Variants in DNAI1 observed in about 807,000 individuals in gnomAD.
DNAI1 encodes dynein axonemal intermediate chain 1, also known as dynein, axonemal, intermediate polypeptide 1.
A neutral mutation model predicts 92.0 loss-of-function variants in DNAI1; 67 were observed. That is an observed-to-expected ratio of 0.73 (90% CI 0.60 to 0.89). DNAI1 has a LOEUF of 0.89. DNAI1 is among the 40% of genes least tolerant of loss of function. The pLI, the probability that DNAI1 is intolerant of heterozygous loss-of-function variation, is 0.00. For missense variants in DNAI1, 839 were observed against 866.6 expected, an observed-to-expected ratio of 0.97 and a Z score of 0.40; for synonymous variants, 323 against 319.6, an observed-to-expected ratio of 1.01 and a Z score of -0.11.
At chr9:34,500,900 C>A in intron 11 of DNAI1, 61 bp downstream of exon 11, 1 of 1,325,346 alleles carries the variant, frequency 7.5e-7, no homozygotes, top group African/African-American at 1.5e-5. Flanking sequence ...CCCAAACCCC[C>A]AGTACCCCCT....
At position 34,514,550 on chromosome 9, in the gene DNAI1, G is replaced by T. The variant is rs1255174490; in HGVS notation, c.1718+8G>T. ...CTGGGACCACACCATCAAGTGAGGG[G>T]CCTGTTCCTGGCTCTGCCTGGGGCC... On this transcript the variant is annotated splice_region_variant and intron_variant, in intron 17 of 19. Transcript: ENST00000242317. 1 of 1,614,204 alleles carries T rather than the reference G, an allele frequency of 6.2e-7. No individual in the cohort carries two copies. The highest frequency in any genetic ancestry group is 1.7e-5 in the Admixed American group (1 of 60,030).
chr9:34,467,022 T>G (rs757996184), intron 1 of DNAI1, among the ~76,000 whole-genome samples: 1 of 152,220 alleles, frequency 6.6e-6, no homozygotes. Flanking sequence ...AGGGACAAGA[T>G]CCTATGGCTC....
chr9:34,471,523 A>C (rs1438991002), intron 1 of DNAI1, among the ~76,000 whole-genome samples: 2 of 152,044 alleles, frequency 1.3e-5, no homozygotes, highest in Admixed American at 1.3e-4. Flanking sequence ...TAATCCCAGC[A>C]CTTTGGGAGG....
chr9:34,471,745 G>A (rs1159631279), intron 1 of DNAI1, among the ~76,000 whole-genome samples: 2 of 151,880 alleles, frequency 1.3e-5, no homozygotes, highest in African/African-American at 4.8e-5. Context: ...ACTCCAGCCT[G>A]GGCTACAGTG....
rs531076641 is a variant in DNAI1 at position 34,493,407 on chromosome 9, G to A, written c.816+79G>A. On this transcript the variant is annotated intron_variant, in intron 9 of 19. Transcript: ENST00000242317. Reference sequence around the variant, plus strand: ...CCTCTGGGTAGACAGAAGCCTGGCTGTCTGGGAGGGGTTCACAGATACTTA... The same window carrying A: ...CCTCTGGGTAGACAGAAGCCTGGCTATCTGGGAGGGGTTCACAGATACTTA... 58 of 1,587,818 alleles carry A rather than the reference G, an allele frequency of 3.7e-5. No individual in the cohort carries two copies. The African/African-American group carries it at 7.0e-4, about 19-fold the overall frequency.
At chr9:34,474,572 T>C (rs1399029428) in intron 1 of DNAI1, among the ~76,000 whole-genome samples, 1 of 141,050 alleles carries the variant, frequency 7.1e-6, no homozygotes, top group African/African-American at 2.7e-5. Context: ...TTTTCCTTTT[T>C]TTTTTTTTTT....
rs1413318185 is a variant in DNAI1, at chr9:34,514,445, A to G, written c.1621A>G (p.Met541Val). ...QFLDTYDAHN[M>V]SVDTVSWNPY... ...CCTCGACACCTATGACGCCCACAAC[A>G]TGTCAGTGGACACTGTGTCCTGGAA... Residue 541 changes from methionine (M) to valine (V), a missense_variant, in exon 17 of 20, where the codon ATG becomes GTG. By Grantham distance (21) the Met-to-Val change is conservative. Transcript: ENST00000242317. 6 of 1,614,014 alleles carry G rather than the reference A, an allele frequency of 3.7e-6. No homozygotes were observed. The African/African-American group carries it at 5.3e-5, about 14-fold the overall frequency.
intron 1 of DNAI1, among the ~76,000 whole-genome samples, chr9:34,460,219 C>G (rs1330266164): frequency 6.6e-6 from 1 of 152,186 alleles, no homozygotes; most frequent in African/African-American, 2.4e-5. Flanking sequence ...CAAGGCAGTC[C>G]CAGTTTCCCA....
At chr9:34,496,578 C>T (rs1210771366) in intron 9 of DNAI1, among the ~76,000 whole-genome samples, 1 of 152,212 alleles carries the variant, frequency 6.6e-6, no homozygotes, top group Admixed American at 6.5e-5. Context: ...TTAGGAGTCT[C>T]AGTTCTGCCT....
chr9:34,492,921 G>A (rs1310257952), intron 8 of DNAI1, among the ~76,000 whole-genome samples: 1 of 152,096 alleles, frequency 6.6e-6, no homozygotes, highest in Non-Finnish European at 1.5e-5. Context: ...GGGGCTGCAT[G>A]CTAGAACAAT....
intron 1 of DNAI1, among the ~76,000 whole-genome samples, chr9:34,482,600 T>C (rs1463251174): frequency 6.6e-6 from 1 of 152,116 alleles, no homozygotes; most frequent in African/African-American, 2.4e-5. Context: ...CTCACAAACC[T>C]TGAGCTAAAC....
intron 1 of DNAI1, among the ~76,000 whole-genome samples, chr9:34,473,959 C>T (rs532725541): frequency 4.6e-5 from 7 of 152,222 alleles, no homozygotes; most frequent in Non-Finnish European, 1.0e-4. Flanking sequence ...AACTCCTGGA[C>T]TCAAGCATTC....
intron 12 of DNAI1, 36 bp from the exon 13 acceptor site, chr9:34,506,591 A>G: frequency 6.2e-7 from 1 of 1,613,746 alleles, no homozygotes; most frequent in Non-Finnish European, 8.5e-7. Context: ...GGGCAGTTGG[A>G]TCCTCCAACC....
intron 4 of DNAI1, chr9:34,487,973 A>G (rs1482886739): frequency 3.6e-6 from 1 of 275,662 alleles, no homozygotes; most frequent in Non-Finnish European, 7.4e-6. Context: ...TTTCATTCCT[A>G]AACTGAAGAG....
At position 34,460,251 on chromosome 9, in the gene DNAI1, A is replaced by C. The variant is rs115131919; in HGVS notation, c.48+1198A>C. Among the ~76,000 whole-genome samples, 1,493 of 152,336 alleles carry C rather than the reference A, an allele frequency of 9.8e-3. 32 individuals carry two copies. Among genetic ancestry groups the C allele is most frequent in the African/African-American group, 0.033 (1,378 of 41,572 alleles). On this transcript the variant is annotated intron_variant, in intron 1 of 19. Transcript: ENST00000242317. ...CCCAAGGAGTCTTCTGTGGTGAAGCAACTCAGTCCTTCAGGAACTTTTTCC... is the reference window on the plus strand; with the variant it reads ...CCCAAGGAGTCTTCTGTGGTGAAGCCACTCAGTCCTTCAGGAACTTTTTCC...
rs1276768759 is a variant in DNAI1, at chr9:34,465,896, A to T, written c.48+6843A>T. On this transcript the variant is annotated intron_variant, in intron 1 of 19. Transcript: ENST00000242317. ...AGCAAGCAAAGGACACAGCTGTTGT[A>T]ACTTTAGTTTCACTGGTTTGAGTCT... is the stretch of plus-strand genomic sequence containing the variant. 3.9e-5 allele frequency among the ~76,000 whole-genome samples: 6 copies of T among 152,248 alleles called. No individual in the cohort carries two copies. The East Asian group carries it at 1.2e-3, about 29-fold the overall frequency.
intron 1 of DNAI1, among the ~76,000 whole-genome samples, chr9:34,468,060 G>A (rs2132042073): frequency 6.6e-6 from 1 of 152,252 alleles, no homozygotes; most frequent in East Asian, 1.9e-4. Context: ...GAGAATCTAA[G>A]CAGAAAAATG....
intron 1 of DNAI1, among the ~76,000 whole-genome samples, chr9:34,480,816 C>T (rs1056679869): frequency 6.6e-6 from 1 of 152,088 alleles, no homozygotes; most frequent in African/African-American, 2.4e-5. Context: ...TGCAGTGGCT[C>T]ACGCCTGTAA....
chr9:34,488,039 G>T, intron 4 of DNAI1: 1 of 381,660 alleles, frequency 2.6e-6, no homozygotes, highest in Non-Finnish European at 5.2e-6. Flanking sequence ...AAATGAAACT[G>T]TAAGGGTAAT....
Sources: allele counts gnomAD v4.1 joint callset (sites outside exome capture counted in the v4.1 genomes callset), GRCh38; gene constraint gnomAD v4.1.1; transcripts MANE v1.5; gene names NCBI Gene and HGNC (gene_info 2026-07-23, HGNC 2026-07-21).